Variants in NT5DC1 observed in about 807,000 individuals in gnomAD.
NT5DC1 encodes 5'-nucleotidase domain containing 1.
NT5DC1 carries 42 observed loss-of-function variants against 59.4 expected under a neutral mutation model. That is an observed-to-expected ratio of 0.71 (90% confidence interval 0.55 to 0.92). The LOEUF (loss-of-function observed/expected upper bound fraction) is 0.92. Ranked by LOEUF, NT5DC1 falls within the 40% of genes least tolerant of loss-of-function variation. The pLI, the probability that NT5DC1 is intolerant of heterozygous loss-of-function variation, is 0.00. For missense variants in NT5DC1, 501 were observed against 537.1 expected (o/e 0.93, Z 0.66); for synonymous variants, 172 against 188.1 (o/e 0.91, Z 0.70).
chr6:116,159,660 G>A (rs1346189704), intron 6 of NT5DC1, among the ~76,000 whole-genome samples: 1 of 152,156 alleles, frequency 6.6e-6, no homozygotes, highest in Non-Finnish European at 1.5e-5. Flanking sequence ...AGGGATATAT[G>A]TGCAGGTTTG....
At position 116,223,116 on chromosome 6, in the gene NT5DC1, C is replaced by A. The variant is rs1259020833; in HGVS notation, c.787C>A (p.Pro263Thr). 1.4e-5 allele frequency: 22 copies of A among 1,581,478 alleles called. No homozygotes were observed. The highest frequency in any genetic ancestry group is 1.7e-5 in the Non-Finnish European group (20 of 1,151,464). ...GFFSHLPSQR[P>T]FRTLENDEEQ... ...CTTCTCCCACTTACCAAGTCAGAGA[C>A]CTTTCCGGACACTCGGTAAGTTACA... is the stretch of plus-strand genomic sequence containing the variant. The change falls in exon 8 of 12, where the codon CCT becomes ACT. Residue 263 changes from proline to threonine, a missense_variant. By Grantham distance (38) the Pro-to-Thr change is conservative. Coordinates refer to ENST00000319550, the MANE Select transcript of NT5DC1 (RefSeq NM_152729.3).
At chr6:116,129,522 C>T (rs2114324835) in intron 6 of NT5DC1, among the ~76,000 whole-genome samples, 1 of 152,258 alleles carries the variant, frequency 6.6e-6, no homozygotes, top group East Asian at 1.9e-4. Context: ...TATATAGAAG[C>T]AAGCTCGGCC....
At chr6:116,172,317 C>CT (rs71554843) in intron 6 of NT5DC1, among the ~76,000 whole-genome samples, 45,559 of 108,108 alleles carry the variant, frequency 0.42, 10,992 homozygotes, top group African/African-American at 0.47. Flanking sequence ...CCCTTAGTAA[C>CT]TTTTTTTTTT....
chr6:116,229,370 AG>A (rs759398024), intron 8 of NT5DC1, among the ~76,000 whole-genome samples: 1 of 152,168 alleles, frequency 6.6e-6, no homozygotes, highest in Non-Finnish European at 1.5e-5. Context: ...AATGCAACTG[AG>A]CTGGCTGGGA....
chr6:116,130,051 A>G (rs1779422798), intron 6 of NT5DC1, among the ~76,000 whole-genome samples: 1 of 152,122 alleles, frequency 6.6e-6, no homozygotes, highest in Non-Finnish European at 1.5e-5. Context: ...GACATTGGTA[A>G]TTGCCTACAG....
chr6:116,163,337 CT>C (rs1382802934), intron 6 of NT5DC1, among the ~76,000 whole-genome samples: 1 of 151,292 alleles, frequency 6.6e-6, no homozygotes, highest in African/African-American at 2.4e-5. Flanking sequence ...TAATTTCCCC[CT>C]GGTTCAATCT....
In NT5DC1 at chr6:116,228,508, C is replaced by CA. The variant is rs11318643; in HGVS notation, c.802+5388dup. On this transcript the variant is annotated intron_variant, in intron 8 of 11. Transcript: ENST00000319550. ...GGGCAACAAGAGTGAAACTCCGACT[C>CA]AAAAAAAAAAAGAAGAAAAGTTTAG... Among the ~76,000 whole-genome samples the CA allele has an allele frequency of 7.6e-3, 1,142 of 149,386 alleles. 10 individuals are homozygous for CA. The highest frequency in any genetic ancestry group is 0.014 in the Middle Eastern group (4 of 288).
rs1441733997 is a variant in NT5DC1 at position 116,120,645 on chromosome 6, G to C, written c.529+2700G>C. On this transcript the variant is annotated intron_variant, in intron 6 of 11. Transcript: ENST00000319550. ...CCTCTTGGACCTGGAGGCCCTGGTGGCCCGGTGGGTCCATTGAGGCCCTTA... is the reference window on the plus strand; with the variant it reads ...CCTCTTGGACCTGGAGGCCCTGGTGCCCCGGTGGGTCCATTGAGGCCCTTA... 1 of 1,548,704 alleles carries C rather than the reference G, an allele frequency of 6.5e-7. No homozygotes were observed.
intron 6 of NT5DC1, among the ~76,000 whole-genome samples, chr6:116,216,005 T>C (rs1030169640): frequency 6.6e-6 from 1 of 152,148 alleles, no homozygotes; most frequent in South Asian, 2.1e-4. Context: ...TTCCATAATA[T>C]ACACTTTTTC....
chr6:116,126,054 T>C (rs1779295904), intron 6 of NT5DC1: 1 of 155,066 alleles, frequency 6.4e-6, no homozygotes, highest in Non-Finnish European at 1.4e-5. Context: ...TACGCTTACC[T>C]GCGTGCTGGG....
intron 6 of NT5DC1, among the ~76,000 whole-genome samples, chr6:116,195,284 C>A (rs377352300): frequency 1.3e-5 from 2 of 152,038 alleles, no homozygotes; most frequent in South Asian, 2.1e-4. Context: ...TTTTATATCA[C>A]AATTTCGCTA....
At chr6:116,217,088 A>G (rs1781700877) in intron 6 of NT5DC1, among the ~76,000 whole-genome samples, 1 of 152,202 alleles carries the variant, frequency 6.6e-6, no homozygotes, top group Non-Finnish European at 1.5e-5. Flanking sequence ...AGTTAACAAG[A>G]AAAAGCTTAT....
chr6:116,201,536 TCAGTG>T (rs1034315821), intron 6 of NT5DC1, among the ~76,000 whole-genome samples: 2 of 152,030 alleles, frequency 1.3e-5, no homozygotes, highest in African/African-American at 4.8e-5. Flanking sequence ...TCTGAGAACT[TCAGTG>T]AGGTGAGCAT....
At chr6:116,157,373 G>A (rs950437257) in intron 6 of NT5DC1, among the ~76,000 whole-genome samples, 3 of 152,178 alleles carry the variant, frequency 2.0e-5, no homozygotes, top group Admixed American at 6.5e-5. Context: ...CCTTATTACA[G>A]TCTTTGGCCA....
Position 116,227,617 on chromosome 6 carries a change from C to T in NT5DC1, c.802+4486C>T, listed in dbSNP as rs80175766. 2.1e-3 allele frequency among the ~76,000 whole-genome samples: 326 copies of T among 152,080 alleles called. 1 individual carries two copies. Among genetic ancestry groups the T allele is most frequent in the African/African-American group, 7.7e-3 (320 of 41,416 alleles). ...AAGGATTCCCTTTTCTCCACATGCT[C>T]TTTAACACTTATCTTTTGTCTTTTT... On this transcript the variant is annotated intron_variant, in intron 8 of 11. Transcript: ENST00000319550.
chr6:116,198,457 T>C (rs1781281224), intron 6 of NT5DC1, among the ~76,000 whole-genome samples: 1 of 152,030 alleles, frequency 6.6e-6, no homozygotes, highest in African/African-American at 2.4e-5. Context: ...TGGCTGGGTA[T>C]AGTGACTCAT....
chr6:116,134,728 A>G (rs1779547060), intron 6 of NT5DC1, among the ~76,000 whole-genome samples: 2 of 152,210 alleles, frequency 1.3e-5, no homozygotes, highest in Admixed American at 1.3e-4. Context: ...TAGTTTTCAC[A>G]AAAGAAAATA....
At chr6:116,135,258 A>C (rs937505601) in intron 6 of NT5DC1, among the ~76,000 whole-genome samples, 1 of 152,208 alleles carries the variant, frequency 6.6e-6, no homozygotes, top group African/African-American at 2.4e-5. Context: ...TGTGAGTATT[A>C]GATAAATATT....
chr6:116,158,995 A>G (rs1780270501), intron 6 of NT5DC1, among the ~76,000 whole-genome samples: 1 of 152,206 alleles, frequency 6.6e-6, no homozygotes, highest in South Asian at 2.1e-4. Flanking sequence ...GAATGCTTGC[A>G]TTAGAATAGC....
Sources: allele counts gnomAD v4.1 joint callset (sites outside exome capture counted in the v4.1 genomes callset), GRCh38; gene constraint gnomAD v4.1.1; transcripts MANE v1.5; gene names NCBI Gene and HGNC (gene_info 2026-07-23, HGNC 2026-07-21).